Variants in TLN2 observed in about 807,000 individuals in gnomAD.
TLN2 encodes talin 2, also known as talin-2.
A neutral mutation model predicts 294.7 loss-of-function variants in TLN2; 118 were observed. The observed-to-expected ratio is 0.40, with a 90% CI of 0.34 to 0.47. The LOEUF (loss-of-function observed/expected upper bound fraction) is 0.47, where lower values mean the gene tolerates loss of function less well. Among genes scored for constraint, TLN2 ranks in the 20% least tolerant of loss-of-function variants. The pLI is 0.84. For missense variants in TLN2, 3,083 were observed against 3,282.2 expected (o/e 0.94, Z 1.48); for synonymous variants, 1,431 against 1,304.5 (o/e 1.10, Z -2.09).
intron 1 of TLN2, among the ~76,000 whole-genome samples, chr15:62,433,292 T>G (rs2035112879): frequency 6.6e-6 from 1 of 152,094 alleles, no homozygotes; most frequent in African/African-American, 2.4e-5. Flanking sequence ...GCCTTGTAAC[T>G]TCTTGTTGTA....
intron 9 of TLN2, among the ~76,000 whole-genome samples, chr15:62,665,356 A>C (rs1296708697): frequency 1.3e-5 from 2 of 152,204 alleles, no homozygotes; most frequent in Admixed American, 6.5e-5. Flanking sequence ...AGCTCACTTA[A>C]CATTTTTTTA....
rs144744978 is a variant in TLN2 at position 62,587,450 on chromosome 15, C to G, written c.-237-2237C>G. On this transcript the variant is annotated intron_variant, in intron 1 of 58. Transcript: ENST00000636159. ...CTCTGGACATCCAAGAATACACACA[C>G]ACAAATGAATCATACTGCATATGGT... Among the ~76,000 whole-genome samples the G allele has an allele frequency of 4.5e-3, 685 of 152,318 alleles. 8 individuals carry two copies. The highest frequency in any genetic ancestry group is 0.014 in the African/African-American group (566 of 41,568).
chr15:62,489,032 A>T (rs2038562825), intron 1 of TLN2, among the ~76,000 whole-genome samples: 1 of 152,162 alleles, frequency 6.6e-6, no homozygotes, highest in Admixed American at 6.5e-5. Flanking sequence ...ATGGTGGTGC[A>T]TGCCTGTAGT....
chr15:62,641,004 G>T (rs1362802320), intron 3 of TLN2, among the ~76,000 whole-genome samples: 1 of 151,842 alleles, frequency 6.6e-6, no homozygotes, highest in Non-Finnish European at 1.5e-5. Context: ...ATTTCACCAT[G>T]TTGGCCAGGC....
At position 62,572,777 on chromosome 15, in the gene TLN2, AC is replaced by A. The variant is rs796747643; in HGVS notation, c.-237-16905del. ...CTCTGGAGAGGCTTTGTCCTCTCAC[AC>A]CCCCACTGACCCTGGGTCTGGAGGC... On this transcript the variant is annotated intron_variant, in intron 1 of 58. Transcript: ENST00000636159. 1.0e-4 allele frequency among the ~76,000 whole-genome samples: 15 copies of A among 142,986 alleles called. 1 individual carries two copies. The highest frequency in any genetic ancestry group is 3.8e-4 in the African/African-American group (15 of 39,192). The allele number at this position is 142,986 out of a possible 152,430, so 93.8% of individuals were successfully genotyped here.
At chr15:62,468,242 A>G (rs2037253389) in intron 1 of TLN2, among the ~76,000 whole-genome samples, 1 of 152,160 alleles carries the variant, frequency 6.6e-6, no homozygotes, top group South Asian at 2.1e-4. Flanking sequence ...GACCTAAACT[A>G]GGAAATGAGC....
intron 2 of TLN2, among the ~76,000 whole-genome samples, chr15:62,599,083 G>A (rs113209328): frequency 6.6e-6 from 1 of 152,306 alleles, no homozygotes; most frequent in African/African-American, 2.4e-5. Flanking sequence ...CAGGGTGGTG[G>A]CGTTAACATG....
intron 21 of TLN2, 38 bp from the exon 22 acceptor site, chr15:62,711,873 G>A: frequency 1.3e-6 from 2 of 1,571,806 alleles, no homozygotes; most frequent in Non-Finnish European, 1.7e-6. Context: ...CCTTTGAAAA[G>A]CAGACAAACA....
chr15:62,563,803 G>A (rs563483199), intron 1 of TLN2, among the ~76,000 whole-genome samples: 2 of 152,172 alleles, frequency 1.3e-5, no homozygotes, highest in South Asian at 4.1e-4. Context: ...GAAGCCTTCT[G>A]TGATTCCTTC....
intron 1 of TLN2, among the ~76,000 whole-genome samples, chr15:62,481,094 A>T (rs2038062551): frequency 6.6e-6 from 1 of 152,220 alleles, no homozygotes; most frequent in Non-Finnish European, 1.5e-5. Flanking sequence ...ATGAGTCCAT[A>T]GAGACGTCTA....
chr15:62,533,428 C>T (rs934724087), intron 1 of TLN2, among the ~76,000 whole-genome samples: 2 of 151,972 alleles, frequency 1.3e-5, no homozygotes, highest in African/African-American at 4.8e-5. Context: ...TAACCCCTCC[C>T]TCAACAGTGA....
At chr15:62,488,521 T>C (rs765821377) in intron 1 of TLN2, among the ~76,000 whole-genome samples, 10 of 152,230 alleles carry the variant, frequency 6.6e-5, no homozygotes, top group Non-Finnish European at 8.8e-5. Flanking sequence ...GGGACTACAC[T>C]GTGAGAATCA....
intron 45 of TLN2, among the ~76,000 whole-genome samples, chr15:62,787,616 ATCACCCTGTGGGCTGG>A (rs2064774217): frequency 6.6e-6 from 1 of 151,344 alleles, no homozygotes; most frequent in South Asian, 2.1e-4. Context: ...AGTTCGTTGG[ATCACCCTGTGGGCTGG>A]TCATATTTAC....
intron 1 of TLN2, among the ~76,000 whole-genome samples, chr15:62,527,657 A>T (rs989989457): frequency 6.6e-6 from 1 of 152,214 alleles, no homozygotes; most frequent in African/African-American, 2.4e-5. Flanking sequence ...GACAGATTTT[A>T]CTTCAACTGG....
chr15:62,752,180 A>G lies in TLN2; in HGVS notation c.4210-125A>G, dbSNP rs7171264. 1,238,082 of 1,249,172 alleles carry G rather than the reference A, an allele frequency of 0.99. 614,224 individuals carry two copies. Among genetic ancestry groups the G allele is most frequent in the East Asian group, 1 (42,421 of 42,424 alleles). 77.4% of individuals were successfully genotyped at this position (1,249,172 alleles called of 1,614,324 possible). A position where few individuals can be genotyped will look rare whatever the true frequency, so the allele number is the denominator to read the frequency against. ...CTTCCATCTCTTTTTAATCCAAATA[A>G]AGGAGAAAATGTCAAATGTTCCAAA... On this transcript the variant is annotated intron_variant, in intron 34 of 58. Coordinates refer to ENST00000636159, the MANE Select transcript of TLN2 (RefSeq NM_015059.3).
At chr15:62,399,683 A>G (rs1211213872) in intron 1 of TLN2, among the ~76,000 whole-genome samples, 1 of 152,204 alleles carries the variant, frequency 6.6e-6, no homozygotes, top group African/African-American at 2.4e-5. Flanking sequence ...TGACTACCCT[A>G]TTGGATTTTG....
At chr15:62,438,177 G>C (rs983350458) in intron 1 of TLN2, among the ~76,000 whole-genome samples, 1 of 152,226 alleles carries the variant, frequency 6.6e-6, no homozygotes, top group Non-Finnish European at 1.5e-5. Context: ...TGCTGCTCTA[G>C]AAAGTCCACA....
At position 62,442,706 on chromosome 15, in the gene TLN2, T is replaced by A. The variant is rs141839429; in HGVS notation, c.-238+52021T>A. On this transcript the variant is annotated intron_variant, in intron 1 of 58. Transcript: ENST00000636159. ...TTTCTCTATATTTTAATACCCAACC[T>A]TCAAAATAAAATCAAAACAGAAACA... Among the ~76,000 whole-genome samples the A allele has an allele frequency of 2.3e-3, 353 of 152,178 alleles. 1 individual carries two copies. The highest frequency in any genetic ancestry group is 8.3e-3 in the African/African-American group (343 of 41,512).
At chr15:62,830,299 G>A (rs906853343) in intron 54 of TLN2, 1 of 152,500 alleles carries the variant, frequency 6.6e-6, no homozygotes, top group South Asian at 2.1e-4. Context: ...GAGAAGGTGA[G>A]AATGAGAGCT....
Sources: allele counts gnomAD v4.1 joint callset (sites outside exome capture counted in the v4.1 genomes callset), GRCh38; gene constraint gnomAD v4.1.1; transcripts MANE v1.5; gene names NCBI Gene and HGNC (gene_info 2026-07-23, HGNC 2026-07-21).